Variants in NLRP5 observed in about 807,000 individuals in gnomAD.
The protein encoded by NLRP5 is NLR family pyrin domain containing 5.
Under a neutral mutation model 113.1 loss-of-function variants are expected in NLRP5, and 93 were observed. The ratio of observed to expected loss-of-function variants is 0.82; its 90% CI spans 0.70 to 0.98. The LOEUF (loss-of-function observed/expected upper bound fraction) is 0.98, where lower values mean the gene tolerates loss of function less well. Among genes scored for constraint, NLRP5 ranks in the 50% least tolerant of loss-of-function variants. The pLI, the probability that NLRP5 is intolerant of heterozygous loss-of-function variation, is 0.00. For synonymous variants in NLRP5, 751 were observed against 600.7 expected, an observed-to-expected ratio of 1.25 and a Z score of -3.66; for missense variants, 1,808 against 1,514.3, an observed-to-expected ratio of 1.19 and a Z score of -3.22.
At chr19:56,005,668 T>A (rs1276899871) in intron 2 of NLRP5, among the ~76,000 whole-genome samples, 2 of 151,688 alleles carry the variant, frequency 1.3e-5, no homozygotes, top group African/African-American at 2.4e-5. Context: ...TGCCTGCACA[T>A]CCGTGACCTG....
At chr19:56,050,641 C>T in intron 12 of NLRP5, 53 bp downstream of exon 12, 1 of 1,543,366 alleles carries the variant, frequency 6.5e-7, no homozygotes, top group South Asian at 1.2e-5. Context: ...GTCTGGAGTT[C>T]CTGAAAGGTC....
intron 10 of NLRP5, among the ~76,000 whole-genome samples, chr19:56,040,609 T>G (rs1169874472): frequency 3.9e-5 from 6 of 152,028 alleles, no homozygotes; most frequent in African/African-American, 7.2e-5. Context: ...ATTGGAAAAA[T>G]TACTCATTCC....
At chr19:56,015,478 G>A (rs1283987055) in intron 3 of NLRP5, among the ~76,000 whole-genome samples, 1 of 152,210 alleles carries the variant, frequency 6.6e-6, no homozygotes, top group Non-Finnish European at 1.5e-5. Context: ...TTAGAGGAGT[G>A]AGCCACTGTG....
chr19:56,016,663 C>T (rs373933976), intron 4 of NLRP5, among the ~76,000 whole-genome samples: 4 of 152,226 alleles, frequency 2.6e-5, no homozygotes, highest in East Asian at 1.9e-4. Context: ...ATTCTGAGTT[C>T]GACATTTTTA....
At chr19:56,044,962 TTG>T (rs1320092201) in intron 11 of NLRP5, among the ~76,000 whole-genome samples, 1 of 152,192 alleles carries the variant, frequency 6.6e-6, no homozygotes, top group African/African-American at 2.4e-5. Context: ...TTGTGTTGTG[TTG>T]TGTTTTGCAG....
intron 6 of NLRP5, among the ~76,000 whole-genome samples, chr19:56,025,042 G>A (rs1037022986): frequency 2.8e-5 from 1 of 35,188 alleles, no homozygotes; most frequent in African/African-American, 1.2e-4. Context: ...GAGGGATCTG[G>A]GTTGCGTGCT....
At chr19:55,988,442 G>GTATATATATATATATATATA in the NLRP5 span, 65 of 103,722 alleles carry the variant, frequency 6.3e-4, no homozygotes, top group South Asian at 1.5e-3. Flanking sequence ...ATATGTGTGT[G>GTATATATATATATATATATA]TGTATATATA....
chr19:56,051,919 G>C (rs1983944558), intron 12 of NLRP5, among the ~76,000 whole-genome samples: 2 of 152,180 alleles, frequency 1.3e-5, no homozygotes, highest in African/African-American at 2.4e-5. Context: ...CTTTGGTATG[G>C]ATTCTAGTTC....
chr19:56,050,489 T>A lies in NLRP5; in HGVS notation c.3029T>A (p.Leu1010Gln), dbSNP rs1377838135. ...CTTGCGCTTATGGGTAACTCATGGC[T>A]GACGCACCTGAGCCTTAGCATGAAC... The change falls in exon 12 of 15, where the codon CTG becomes CAG. Residue 1010 changes from leucine to glutamine, a missense_variant. By Grantham distance (113) the Leu-to-Gln change is moderately radical. Transcript: ENST00000390649. 1 of 1,613,908 alleles carries A rather than the reference T, an allele frequency of 6.2e-7. No individual in the cohort carries two copies. The highest frequency in any genetic ancestry group is 2.2e-5 in the East Asian group (1 of 44,866).
At chr19:56,016,051 G>C (rs1052029991) in intron 4 of NLRP5, among the ~76,000 whole-genome samples, 1 of 152,204 alleles carries the variant, frequency 6.6e-6, no homozygotes, top group Non-Finnish European at 1.5e-5. Context: ...TACTTATGGG[G>C]CGTGAGGTTT....
intron 3 of NLRP5, among the ~76,000 whole-genome samples, chr19:56,010,122 C>T (rs1167653305): frequency 1.3e-5 from 2 of 152,198 alleles, no homozygotes; most frequent in South Asian, 2.1e-4. Context: ...GTTAGGAGAT[C>T]CCTCTGAGCT....
intron 11 of NLRP5, among the ~76,000 whole-genome samples, chr19:56,041,859 C>T (rs1983534739): frequency 6.6e-6 from 1 of 152,128 alleles, no homozygotes; most frequent in Non-Finnish European, 1.5e-5. Context: ...TGAGGCAGGA[C>T]AACCACTTGA....
At chr19:56,031,648 G>T (rs1206636899) in intron 7 of NLRP5, among the ~76,000 whole-genome samples, 6 of 143,308 alleles carry the variant, frequency 4.2e-5, no homozygotes, top group Admixed American at 7.0e-5. Flanking sequence ...AAAAAAAAAT[G>T]TAGACTCATG....
chr19:56,034,063 C>T (rs768726298), intron 9 of NLRP5, among the ~76,000 whole-genome samples: 15 of 152,188 alleles, frequency 9.9e-5, no homozygotes, highest in Non-Finnish European at 2.1e-4. Context: ...AGCCACCATA[C>T]CCAGCGAGAT....
intron 6 of NLRP5, among the ~76,000 whole-genome samples, chr19:56,024,626 C>A (rs1982768470): frequency 6.6e-6 from 1 of 150,528 alleles, no homozygotes; most frequent in Admixed American, 6.7e-5. Context: ...AGCATGGTGG[C>A]AGGCACCTGT....
intron 10 of NLRP5, 94 bp from the exon 11 acceptor site, chr19:56,040,828 G>T: frequency 9.5e-7 from 1 of 1,047,824 alleles, no homozygotes; most frequent in East Asian, 2.5e-5. Flanking sequence ...CCAACTATGG[G>T]GGTGATACGT....
intron 11 of NLRP5, among the ~76,000 whole-genome samples, chr19:56,042,971 G>A (rs200755119): frequency 1.2e-5 from 1 of 80,106 alleles, no homozygotes; most frequent in Non-Finnish European, 2.7e-5. Context: ...ATATATGTAT[G>A]TGTGTGTGTG....
At chr19:56,024,406 A>ACG (rs1982740757) in intron 6 of NLRP5, among the ~76,000 whole-genome samples, 1 of 123,922 alleles carries the variant, frequency 8.1e-6, no homozygotes, top group South Asian at 2.6e-4. Context: ...ATATATGTAC[A>ACG]TATATGTATA....
At chr19:56,052,072 A>T (rs7245707) in intron 12 of NLRP5, among the ~76,000 whole-genome samples, 14,792 of 152,082 alleles carry the variant, frequency 0.097, 758 homozygotes, top group African/African-American at 0.13. Flanking sequence ...GATTAACTGG[A>T]TCTCTCCATC....
Sources: gnomAD v4.1 joint callset for allele counts (sites outside exome capture counted in the v4.1 genomes callset) on GRCh38, gnomAD v4.1.1 for gene constraint, MANE v1.5 for transcripts, NCBI Gene and HGNC (gene_info 2026-07-23, HGNC 2026-07-21) for gene names.